Variants in ZC3HAV1 observed in about 807,000 individuals in gnomAD.
ZC3HAV1 encodes the protein zinc finger CCCH-type antiviral protein 1.
Under a neutral mutation model 86.6 loss-of-function variants are expected in ZC3HAV1, and 41 were observed. The ratio of observed to expected loss-of-function variants is 0.47; its 90% CI spans 0.37 to 0.61. ZC3HAV1 has a LOEUF of 0.61. ZC3HAV1 is among the 20% of genes least tolerant of loss of function. ZC3HAV1 has a pLI of 0.00. For missense variants in ZC3HAV1, 964 were observed against 1,141.1 expected (o/e 0.84, Z 2.24); for synonymous variants, 421 against 432.1 (o/e 0.97, Z 0.32).
intron 12 of ZC3HAV1, among the ~76,000 whole-genome samples, chr7:139,051,958 G>A (rs1816135409): frequency 1.3e-5 from 2 of 151,632 alleles, no homozygotes; most frequent in East Asian, 1.9e-4. Flanking sequence ...AAAGATGACT[G>A]ATTCTTAGTT....
Position 139,108,886 on chromosome 7 carries a change from G to T in ZC3HAV1, c.308+138C>A. On this transcript the variant is annotated intron_variant, in intron 1 of 12. Coordinates refer to ENST00000242351, the MANE Select transcript of ZC3HAV1 (RefSeq NM_020119.4). The surrounding 1 kb of genome is among the most constrained non-coding windows in gnomAD (Gnocchi z 4.2). ...CTGCAGAGGCTCCCAGAGGGGAGCA[G>T]AGAAGGGAGTGGCTGGAGGCGGAGG... 1.7e-6 allele frequency: 2 copies of T among 1,156,370 alleles called. No individual in the cohort carries two copies. The highest frequency in any genetic ancestry group is 1.2e-6 in the Non-Finnish European group (1 of 833,308). The allele number at this position is 1,156,370 out of a possible 1,614,324, so 71.6% of individuals were successfully genotyped here. A position where few individuals can be genotyped will look rare whatever the true frequency, so the allele number is the denominator to read the frequency against.
Position 139,053,511 on chromosome 7 carries a change from T to TA in ZC3HAV1, c.2388dup (p.Ile797TyrfsTer5). ...AAACTGTCAAAATTATTCGAACAGA[T>TA]AGATTCCACATAGGCACGGCTTGTC... On this transcript the variant is annotated frameshift_variant, in exon 12 of 13. Transcript: ENST00000242351. LOFTEE classifies it high-confidence loss of function. 1 of 1,605,614 alleles carries TA rather than the reference T, an allele frequency of 6.2e-7. No individual in the cohort carries two copies.
chr7:139,102,322 T>C (rs564392015), intron 1 of ZC3HAV1, among the ~76,000 whole-genome samples: 1 of 152,058 alleles, frequency 6.6e-6, no homozygotes, highest in Admixed American at 6.6e-5. Context: ...AATGTTTTTG[T>C]AGGAGCTATG....
intron 1 of ZC3HAV1, among the ~76,000 whole-genome samples, chr7:139,107,057 T>C (rs1015638124): frequency 1.3e-5 from 2 of 152,150 alleles, no homozygotes; most frequent in African/African-American, 2.4e-5. Context: ...TCAACACTAG[T>C]TGGTGAAGAA....
intron 2 of ZC3HAV1, among the ~76,000 whole-genome samples, chr7:139,086,078 C>T (rs1485766107): frequency 7.2e-5 from 11 of 151,880 alleles, no homozygotes; most frequent in African/African-American, 1.7e-4. Context: ...ATAATTCCTC[C>T]ATCTTTAGAG....
intron 1 of ZC3HAV1, among the ~76,000 whole-genome samples, chr7:139,101,281 G>A (rs1208176213): frequency 1.3e-5 from 2 of 151,000 alleles, no homozygotes; most frequent in Non-Finnish European, 3.0e-5. Context: ...TGGGAAGTGA[G>A]GAGCGTCTCT....
intron 7 of ZC3HAV1, among the ~76,000 whole-genome samples, chr7:139,068,925 G>A (rs1198900179): frequency 6.6e-6 from 1 of 152,200 alleles, no homozygotes; most frequent in Non-Finnish European, 1.5e-5. Flanking sequence ...TTATGGTCAA[G>A]AGGTCACACA....
At chr7:139,079,370 G>A in intron 4 of ZC3HAV1, 100 bp downstream of exon 4, 1 of 1,602,032 alleles carries the variant, frequency 6.2e-7, no homozygotes, top group Non-Finnish European at 8.5e-7. Context: ...AGTGGCACCA[G>A]TTTTTTCTAC....
At chr7:139,103,297 G>T (rs1217880427) in intron 1 of ZC3HAV1, among the ~76,000 whole-genome samples, 2 of 144,134 alleles carry the variant, frequency 1.4e-5, no homozygotes, top group African/African-American at 5.1e-5. Context: ...TTTTGATGGG[G>T]TCTCACTATG....
intron 8 of ZC3HAV1, among the ~76,000 whole-genome samples, chr7:139,063,821 A>C (rs1334717872): frequency 6.6e-6 from 1 of 152,048 alleles, no homozygotes; most frequent in Non-Finnish European, 1.5e-5. Flanking sequence ...AATCTTTAAC[A>C]AGTGCCAGAT....
chr7:139,077,596 G>A (rs1204861233), intron 5 of ZC3HAV1, among the ~76,000 whole-genome samples: 1 of 152,138 alleles, frequency 6.6e-6, no homozygotes, highest in Non-Finnish European at 1.5e-5. Flanking sequence ...TAAAGAGAAG[G>A]CTGCACTATG....
chr7:139,097,382 G>A (rs1817619364), intron 1 of ZC3HAV1, among the ~76,000 whole-genome samples: 1 of 124,992 alleles, frequency 8.0e-6, no homozygotes, highest in South Asian at 2.7e-4. Flanking sequence ...ATCATGGATG[G>A]AAACAAATAT....
intron 6 of ZC3HAV1, among the ~76,000 whole-genome samples, chr7:139,074,889 CAG>C (rs1346501214): frequency 6.6e-6 from 1 of 152,072 alleles, no homozygotes; most frequent in Non-Finnish European, 1.5e-5. Context: ...TCCACACAAA[CAG>C]AAATTCTTTG....
At chr7:139,053,059 G>A (rs568400244) in intron 12 of ZC3HAV1, among the ~76,000 whole-genome samples, 89 of 152,246 alleles carry the variant, frequency 5.8e-4, no homozygotes, top group Admixed American at 1.6e-3. Flanking sequence ...CTCTTCTCCC[G>A]CTCTTTAATT....
intron 2 of ZC3HAV1, among the ~76,000 whole-genome samples, chr7:139,088,031 CAAAAAAAAAA>C (rs10544425): frequency 5.7e-4 from 33 of 57,874 alleles, no homozygotes; most frequent in African/African-American, 1.9e-3. Flanking sequence ...GATCCTGTCT[CAAAAAAAAAA>C]AAAAAAAAAA....
At chr7:139,098,063 G>C (rs1361219035) in intron 1 of ZC3HAV1, among the ~76,000 whole-genome samples, 1 of 151,888 alleles carries the variant, frequency 6.6e-6, no homozygotes, top group Non-Finnish European at 1.5e-5. Context: ...TCCTGCCTCA[G>C]CCTCCTGAGT....
intron 7 of ZC3HAV1, among the ~76,000 whole-genome samples, chr7:139,073,636 G>A (rs563237379): frequency 1.3e-4 from 19 of 151,974 alleles, no homozygotes; most frequent in African/African-American, 3.4e-4. Context: ...GATTATAGGC[G>A]CCTGCCACCA....
chr7:139,056,162 C>G (rs1206199505), intron 9 of ZC3HAV1, among the ~76,000 whole-genome samples: 1 of 152,042 alleles, frequency 6.6e-6, no homozygotes, highest in Non-Finnish European at 1.5e-5. Context: ...ATTTGCTAAT[C>G]TGTTTTGAGA....
At chr7:139,049,141 TTTC>T (rs1563121742) in intron 12 of ZC3HAV1, among the ~76,000 whole-genome samples, 2 of 104,566 alleles carry the variant, frequency 1.9e-5, no homozygotes, top group African/African-American at 7.4e-5. Context: ...TTTTTTTTTT[TTTC>T]GTTGTTGTTG....
Sources: gnomAD v4.1 joint callset for allele counts (sites outside exome capture counted in the v4.1 genomes callset) on GRCh38, gnomAD v4.1.1 for gene constraint, Gnocchi (gnomAD v3.1) non-coding constraint, MANE v1.5 for transcripts, NCBI Gene and HGNC (gene_info 2026-07-23, HGNC 2026-07-21) for gene names.